Variants in DCP1B observed in about 807,000 individuals in gnomAD.
DCP1B encodes the protein decapping mRNA 1B, also known as mRNA-decapping enzyme 1B.
A neutral mutation model predicts 60.5 loss-of-function variants in DCP1B; 47 were observed. That is an observed-to-expected ratio of 0.78 (90% CI 0.61 to 0.99). The LOEUF is 0.99. Among genes scored for constraint, DCP1B ranks in the 50% least tolerant of loss-of-function variants. The pLI is 0.00. For missense variants in DCP1B, 725 were observed against 756.8 expected, an observed-to-expected ratio of 0.96 and a Z score of 0.49; for synonymous variants, 267 against 280.3, an observed-to-expected ratio of 0.95 and a Z score of 0.47.
chr12:1,988,979 T>C (rs1235351670), intron 3 of DCP1B, among the ~76,000 whole-genome samples: 3 of 152,240 alleles, frequency 2.0e-5, no homozygotes, highest in Admixed American at 6.5e-5. Context: ...TCTGATTTGA[T>C]CTAAACTTCA....
intron 1 of DCP1B, among the ~76,000 whole-genome samples, chr12:1,998,235 T>C (rs945718447): frequency 6.6e-6 from 1 of 152,228 alleles, no homozygotes; most frequent in African/African-American, 2.4e-5. Flanking sequence ...AATACAGGGA[T>C]AGCAGCATAC....
intron 4 of DCP1B, among the ~76,000 whole-genome samples, chr12:1,967,412 T>C (rs1049291744): frequency 1.2e-4 from 19 of 152,262 alleles, no homozygotes; most frequent in Non-Finnish European, 2.6e-4. Context: ...CCCACAAACA[T>C]GTATACACAG....
chr12:1,947,271 A>G (rs2030466788), intron 8 of DCP1B, among the ~76,000 whole-genome samples: 1 of 152,218 alleles, frequency 6.6e-6, no homozygotes, highest in South Asian at 2.1e-4. Flanking sequence ...TTACAGTGTT[A>G]GTAATTCACC....
At chr12:1,949,396 G>A in intron 7 of DCP1B, 62 bp from the exon 8 acceptor site, 2 of 1,590,420 alleles carry the variant, frequency 1.3e-6, no homozygotes, top group Non-Finnish European at 1.7e-6. Flanking sequence ...ATGATAGCTT[G>A]CAGCGGCAGA....
chr12:1,982,849 A>G (rs117202289), intron 3 of DCP1B, among the ~76,000 whole-genome samples: 4,138 of 152,276 alleles, frequency 0.027, 93 homozygotes, highest in Middle Eastern at 0.054. Context: ...AAGAGATTGT[A>G]TAGAATTGGT....
chr12:1,976,524 T>A (rs1007092925), intron 3 of DCP1B, among the ~76,000 whole-genome samples: 8 of 152,294 alleles, frequency 5.3e-5, no homozygotes, highest in African/African-American at 1.9e-4. Flanking sequence ...TCGGCTCCCA[T>A]TCCTCACTGC....
chr12:1,955,289 T>G (rs12300296), intron 6 of DCP1B, 143 bp downstream of exon 6: 2 of 1,041,612 alleles, frequency 1.9e-6, no homozygotes, highest in Non-Finnish European at 2.7e-6. Flanking sequence ...AATGAAAAAA[T>G]CTGTATTCTG....
intron 6 of DCP1B, among the ~76,000 whole-genome samples, chr12:1,953,821 G>A (rs1268303569): frequency 1.3e-5 from 2 of 152,138 alleles, no homozygotes; most frequent in Non-Finnish European, 1.5e-5. Flanking sequence ...AATCTACCTT[G>A]GCCCAGCCAG....
intron 7 of DCP1B, among the ~76,000 whole-genome samples, chr12:1,949,752 C>T (rs1406780589): frequency 5.3e-5 from 8 of 152,336 alleles, no homozygotes; most frequent in Middle Eastern, 3.4e-3. Flanking sequence ...GCACAGGAGG[C>T]GCTGTGAGAG....
At chr12:1,959,767 G>A (rs1442416932) in intron 5 of DCP1B, among the ~76,000 whole-genome samples, 1 of 152,098 alleles carries the variant, frequency 6.6e-6, no homozygotes, top group Non-Finnish European at 1.5e-5. Context: ...AGACCATCCT[G>A]GCTAACACGG....
chr12:1,946,300 C>T lies in DCP1B; in HGVS notation c.1774-14G>A, dbSNP rs778662624. 57 of 1,590,730 alleles carry T rather than the reference C, an allele frequency of 3.6e-5. No homozygotes were observed. Among genetic ancestry groups the T allele is most frequent in the South Asian group, 8.1e-5 (7 of 86,586 alleles). On this transcript the variant is annotated splice_polypyrimidine_tract_variant and intron_variant, in intron 8 of 8. Transcript: ENST00000280665. ...GTTGTCATCATTCTGGAAAACAAAT[C>T]GAAAGACCCAAGAGAATGTTACTTG...
intron 6 of DCP1B, among the ~76,000 whole-genome samples, chr12:1,955,217 GA>G (rs951970376): frequency 4.6e-5 from 7 of 152,194 alleles, no homozygotes; most frequent in Non-Finnish European, 1.0e-4. Context: ...GATTAGCACA[GA>G]ATGTGGTATA....
intron 1 of DCP1B, among the ~76,000 whole-genome samples, chr12:1,998,960 T>G (rs1045851477): frequency 5.3e-5 from 8 of 152,222 alleles, no homozygotes; most frequent in Admixed American, 2.0e-4. Flanking sequence ...AAGCGTAATG[T>G]CAAAACAGCA....
intron 7 of DCP1B, among the ~76,000 whole-genome samples, chr12:1,951,563 T>C (rs950485804): frequency 2.6e-5 from 4 of 152,128 alleles, no homozygotes; most frequent in African/African-American, 9.7e-5. Flanking sequence ...TCTGGCAGTT[T>C]GTGTGGGGGG....
At chr12:1,955,056 T>C (rs142994305) in intron 6 of DCP1B, among the ~76,000 whole-genome samples, 1 of 152,302 alleles carries the variant, frequency 6.6e-6, no homozygotes. Flanking sequence ...GGAGTCTCAC[T>C]GTGTTGCCCA....
intron 3 of DCP1B, among the ~76,000 whole-genome samples, chr12:1,970,411 GA>G (rs555076784): frequency 2.7e-5 from 4 of 150,252 alleles, no homozygotes; most frequent in Non-Finnish European, 1.5e-5. Context: ...AGCCAAAGGG[GA>G]AAAAAAAACC....
At chr12:1,961,614 A>T (rs1484321876) in intron 5 of DCP1B, among the ~76,000 whole-genome samples, 1 of 152,202 alleles carries the variant, frequency 6.6e-6, no homozygotes, top group African/African-American at 2.4e-5. Flanking sequence ...GTGTACTGGG[A>T]GAAGTTGACT....
rs777121803 is a variant in DCP1B at position 2,004,352 on chromosome 12, T to C, written c.80A>G (p.Tyr27Cys). ...GGCCACGTCCACGATGCGGTTGATATAGGGGTCGTGGCGCTGCAGGGCCGC... is the reference window on the plus strand; with the variant it reads ...GGCCACGTCCACGATGCGGTTGATACAGGGGTCGTGGCGCTGCAGGGCCGC... ...SLAALQRHDP[Y>C]INRIVDVASQ... Residue 27 changes from tyrosine (Y) to cysteine (C), a missense_variant, in exon 1 of 9, where the codon TAT becomes TGT. Coordinates refer to ENST00000280665, the MANE Select transcript of DCP1B (RefSeq NM_152640.5). The C allele has an allele frequency of 1.8e-5, 29 of 1,613,216 alleles. No homozygotes were observed. Among genetic ancestry groups the C allele is most frequent in the Non-Finnish European group, 2.2e-5 (26 of 1,179,948 alleles).
At chr12:1,972,015 G>A (rs1052291611) in intron 3 of DCP1B, among the ~76,000 whole-genome samples, 3 of 152,186 alleles carry the variant, frequency 2.0e-5, no homozygotes, top group African/African-American at 7.2e-5. Flanking sequence ...AATTTAAATA[G>A]GCAGGACATC....
Sources: gnomAD v4.1 joint callset for allele counts (sites outside exome capture counted in the v4.1 genomes callset) on GRCh38, gnomAD v4.1.1 for gene constraint, MANE v1.5 for transcripts, NCBI Gene and HGNC (gene_info 2026-07-23, HGNC 2026-07-21) for gene names.